IMMP2L: variants seen among roughly 807,000 people sequenced by gnomAD.
IMMP2L encodes mitochondrial inner membrane protease subunit 2.
IMMP2L carries 18 observed loss-of-function variants against 19.3 expected under a neutral mutation model. The observed-to-expected ratio is 0.93, with a 90% CI of 0.64 to 1.38. IMMP2L has a LOEUF of 1.38. Among genes scored for constraint, IMMP2L ranks in the 40% most tolerant of loss-of-function variants. The pLI is 0.00. For missense variants in IMMP2L, 233 were observed against 218.2 expected, an observed-to-expected ratio of 1.07 and a Z score of -0.43; for synonymous variants, 76 against 73.0, an observed-to-expected ratio of 1.04 and a Z score of -0.21.
intron 2 of IMMP2L, chr7:111,492,514 C>A (rs1843197995): frequency 3.2e-6 from 1 of 312,824 alleles, no homozygotes; most frequent in Non-Finnish European, 4.6e-6. Flanking sequence ...CTCTGTAAAG[C>A]CTTTAAAAAG....
In IMMP2L at chr7:111,487,484, A is replaced by G. The variant is rs1344480631; in HGVS notation, c.136-143T>C. ...TAAATTGCTGTTCTAAAGTAACTGCAAATGATGAGTTTTCAAAAAGGCTCA... is the reference window on the plus strand; with the variant it reads ...TAAATTGCTGTTCTAAAGTAACTGCGAATGATGAGTTTTCAAAAAGGCTCA... On this transcript the variant is annotated intron_variant, in intron 2 of 5. Coordinates refer to ENST00000405709, the MANE Select transcript of IMMP2L (RefSeq NM_032549.4). 2.1e-5 allele frequency: 11 copies of G among 517,114 alleles called. No homozygotes were observed. The East Asian group carries it at 2.9e-4, about 14-fold the overall frequency. 32.0% of individuals were successfully genotyped at this position (517,114 alleles called of 1,614,324 possible).
At chr7:110,730,825 G>A (rs1187119112) in intron 5 of IMMP2L, among the ~76,000 whole-genome samples, 3 of 151,980 alleles carry the variant, frequency 2.0e-5, no homozygotes, top group Non-Finnish European at 2.9e-5. Context: ...GCGCCCGGCC[G>A]GGACTGGCTT....
intron 3 of IMMP2L, among the ~76,000 whole-genome samples, chr7:111,228,613 A>C (rs1269563240): frequency 6.6e-6 from 1 of 152,030 alleles, no homozygotes; most frequent in Non-Finnish European, 1.5e-5. Context: ...CTGCAGAAGT[A>C]TCCATTCCGA....
At chr7:110,820,548 A>G (rs537075688) in intron 5 of IMMP2L, among the ~76,000 whole-genome samples, 1 of 151,978 alleles carries the variant, frequency 6.6e-6, no homozygotes, top group South Asian at 2.1e-4. Context: ...GTTTCATATT[A>G]TGAGTATTAT....
intron 3 of IMMP2L, among the ~76,000 whole-genome samples, chr7:111,313,574 T>C (rs1251243735): frequency 6.6e-6 from 1 of 152,176 alleles, no homozygotes; most frequent in Non-Finnish European, 1.5e-5. Flanking sequence ...ATTCTCAATC[T>C]AATCTTAACT....
chr7:111,077,213 G>C (rs377131583), intron 3 of IMMP2L, among the ~76,000 whole-genome samples: 1 of 152,184 alleles, frequency 6.6e-6, no homozygotes, highest in Admixed American at 6.5e-5. Context: ...CTCCCTTCAG[G>C]GAAATAAATG....
At position 110,933,988 on chromosome 7, in the gene IMMP2L, T is replaced by C. The variant is rs537093669; in HGVS notation, c.305+29512A>G. Among the ~76,000 whole-genome samples the C allele has an allele frequency of 2.2e-3, 335 of 152,322 alleles. 2 individuals carry two copies. Among genetic ancestry groups the C allele is most frequent in the African/African-American group, 7.8e-3 (325 of 41,582 alleles). On this transcript the variant is annotated intron_variant, in intron 4 of 5. Coordinates refer to ENST00000405709, the MANE Select transcript of IMMP2L (RefSeq NM_032549.4). ...TCCTGTGGGCATTTAGTGCTATAAA[T>C]TTCCCTCTAAACACCGCATTAGCTG...
At chr7:110,906,457 A>G (rs977824626) in intron 4 of IMMP2L, among the ~76,000 whole-genome samples, 2 of 152,196 alleles carry the variant, frequency 1.3e-5, no homozygotes, top group East Asian at 3.9e-4. Context: ...GTTCCGTGTG[A>G]CAGAATAAAA....
chr7:111,086,583 TAACA>T (rs755134883), intron 3 of IMMP2L, among the ~76,000 whole-genome samples: 16 of 152,378 alleles, frequency 1.1e-4, no homozygotes, highest in East Asian at 3.9e-4. Context: ...TTCAACATTC[TAACA>T]AACAGTCAGT....
chr7:111,261,173 G>T (rs2109299), intron 3 of IMMP2L, among the ~76,000 whole-genome samples: 1 of 151,596 alleles, frequency 6.6e-6, no homozygotes, highest in African/African-American at 2.4e-5. Flanking sequence ...TTTCTCCACC[G>T]CCTTTAAGTA....
intron 4 of IMMP2L, chr7:110,962,748 T>C (rs1023091610): frequency 3.8e-6 from 4 of 1,065,402 alleles, no homozygotes; most frequent in East Asian, 1.2e-4. Context: ...TTAGTTAATA[T>C]GTGTACTATC....
rs80294332 is a variant in IMMP2L, at chr7:111,370,782, A to T, written c.239+116456T>A. Among the ~76,000 whole-genome samples, 762 of 152,078 alleles carry T rather than the reference A, an allele frequency of 5.0e-3. 8 individuals are homozygous for T. The highest frequency in any genetic ancestry group is 0.017 in the African/African-American group (719 of 41,538). ...CCATATTTTTTTTCTCATTTAAATTATTCCATAGTTTCTTAAGAACTATGA... is the reference window on the plus strand; with the variant it reads ...CCATATTTTTTTTCTCATTTAAATTTTTCCATAGTTTCTTAAGAACTATGA... On this transcript the variant is annotated intron_variant, in intron 3 of 5. Transcript: ENST00000405709.
At chr7:110,938,985 T>C (rs548504123) in intron 4 of IMMP2L, among the ~76,000 whole-genome samples, 1 of 152,270 alleles carries the variant, frequency 6.6e-6, no homozygotes, top group South Asian at 2.1e-4. Flanking sequence ...CATATGAACA[T>C]ACAAATGACA....
chr7:110,912,639 A>G (rs259001), intron 4 of IMMP2L, among the ~76,000 whole-genome samples: 151,197 of 152,016 alleles, frequency 0.99, 75,197 homozygotes, highest in Middle Eastern at 1. Flanking sequence ...TTTACAAAGA[A>G]AAGCCCTGAT....
chr7:111,157,517 T>C (rs1340268889), intron 3 of IMMP2L, among the ~76,000 whole-genome samples: 1 of 151,974 alleles, frequency 6.6e-6, no homozygotes, highest in Non-Finnish European at 1.5e-5. Context: ...TTGTGAGAAC[T>C]AAAAAAACAA....
At chr7:111,342,683 T>G (rs949406816) in intron 3 of IMMP2L, among the ~76,000 whole-genome samples, 1 of 152,102 alleles carries the variant, frequency 6.6e-6, no homozygotes, top group Non-Finnish European at 1.5e-5. Flanking sequence ...TTAAAAATGC[T>G]ATTATAATTA....
chr7:110,695,303 C>A (rs1039922456), intron 5 of IMMP2L, among the ~76,000 whole-genome samples: 4 of 152,024 alleles, frequency 2.6e-5, no homozygotes, highest in Admixed American at 2.6e-4. Context: ...GCTGTCCCCC[C>A]GCCTTAGCCT....
chr7:110,675,955 T>C (rs1792265289), intron 5 of IMMP2L, among the ~76,000 whole-genome samples: 1 of 152,216 alleles, frequency 6.6e-6, no homozygotes, highest in East Asian at 1.9e-4. Flanking sequence ...TGTTATACTC[T>C]GAGGGCCTTA....
Position 110,837,053 on chromosome 7 carries a change from A to G in IMMP2L, c.408+49540T>C, listed in dbSNP as rs553995228. On this transcript the variant is annotated intron_variant, in intron 5 of 5. Coordinates refer to ENST00000405709, the MANE Select transcript of IMMP2L (RefSeq NM_032549.4). ...TTAAAGGCAGAATACCTAAGTATTT[A>G]TGTACAAGGTTGTTTATTGCTGTTA... is the stretch of plus-strand genomic sequence containing the variant. Among the ~76,000 whole-genome samples, 4 of 152,296 alleles carry G rather than the reference A, an allele frequency of 2.6e-5. No homozygotes were observed. In the East Asian group the frequency reaches 7.7e-4, roughly 29 times the overall value.
Sources: allele counts gnomAD v4.1 joint callset (sites outside exome capture counted in the v4.1 genomes callset), GRCh38; gene constraint gnomAD v4.1.1; transcripts MANE v1.5; gene names NCBI Gene and HGNC (gene_info 2026-07-23, HGNC 2026-07-21).